Variants in FES observed in about 807,000 individuals in gnomAD.
The protein encoded by FES is FES proto-oncogene, tyrosine kinase, also known as tyrosine-protein kinase Fes/Fps.
In FES, 83 loss-of-function variants were observed where a neutral mutation model predicts 109.6. The observed-to-expected ratio is 0.76, with a 90% CI of 0.63 to 0.91. FES has a LOEUF of 0.91. Ranked by LOEUF, FES falls within the 40% of genes least tolerant of loss-of-function variation. FES has a pLI of 0.00. For synonymous variants in FES, 458 were observed against 442.1 expected (o/e 1.04, Z -0.45); for missense variants, 943 against 1,070.9 (o/e 0.88, Z 1.67).
chr15:90,893,810 C>T lies in FES; in HGVS notation c.2202C>T (p.Tyr734=), dbSNP rs751436215. Residue 734 remains tyrosine, a splice_region_variant and synonymous_variant, in exon 17 of 19, where the codon TAC becomes TAT. Transcript: ENST00000328850. ...GGACCGCACCTGAGGCCCTTAACTA[C>T]GGTACCTAGTCCCTGTCTACCCTGG... is the stretch of plus-strand genomic sequence containing the variant. ...VKWTAPEALN[Y]GRYSSESDVW... The T allele has an allele frequency of 1.1e-4, 173 of 1,592,398 alleles. No individual in the cohort carries two copies. Among genetic ancestry groups the T allele is most frequent in the Non-Finnish European group, 1.4e-4 (166 of 1,168,008 alleles).
Position 90,893,414 on chromosome 15 carries a change from G to T in FES, c.2045G>T (p.Arg682Leu), listed in dbSNP as rs748935427. 1.3e-6 allele frequency: 2 copies of T among 1,538,460 alleles called. No individual in the cohort carries two copies. The highest frequency in any genetic ancestry group is 2.1e-5 in the Admixed American group (1 of 47,800). ...EYLESKCCIH[R>L]DLAARNCLVT... Reference sequence around the variant, plus strand: ...CTGGAGAGCAAGTGCTGCATCCACCGGTGAGTGGGCGGTGGCCACGGGCCC... The same window carrying T: ...CTGGAGAGCAAGTGCTGCATCCACCTGTGAGTGGGCGGTGGCCACGGGCCC... Residue 682 changes from arginine to leucine, a missense_variant and splice_region_variant, in exon 16 of 19, where the codon CGG becomes CTG. Coordinates refer to ENST00000328850, the MANE Select transcript of FES (RefSeq NM_002005.4).
rs1427484645 is a variant in FES at position 90,889,751 on chromosome 15, G to A, written c.927-89G>A. On this transcript the variant is annotated intron_variant, in intron 7 of 18. Coordinates refer to ENST00000328850, the MANE Select transcript of FES (RefSeq NM_002005.4). The surrounding 1 kb of genome is among the most constrained non-coding windows in gnomAD (Gnocchi z 6.1). ...CACACAGAGCTGTCACCAGGTGGCC[G>A]GGCTTGCTTGGCTCTACAGGGATGC... 8.7e-6 allele frequency: 14 copies of A among 1,602,716 alleles called. No individual in the cohort carries two copies. Among genetic ancestry groups the A allele is most frequent in the South Asian group, 3.3e-5 (3 of 90,138 alleles).
At chr15:90,891,387 G>A in intron 11 of FES, 167 bp from the exon 12 acceptor site, 1 of 1,093,574 alleles carries the variant, frequency 9.1e-7, no homozygotes, top group Non-Finnish European at 1.3e-6. Context: ...TCCTCCCCTG[G>A]TGGGGCAGCA....
intron 11 of FES, 42 bp from the exon 12 acceptor site, chr15:90,891,512 C>A (rs773171459): frequency 6.2e-7 from 1 of 1,612,234 alleles, no homozygotes; most frequent in Non-Finnish European, 8.5e-7. Context: ...CTCACGCCCC[C>A]TCAGAATGGA....
chr15:90,894,759 G>A (rs1223593228), intron 18 of FES, among the ~76,000 whole-genome samples: 1 of 149,826 alleles, frequency 6.7e-6, no homozygotes, highest in Non-Finnish European at 1.5e-5. Flanking sequence ...GAGAGAGAGA[G>A]AGACCTTGAC....
rs768738534 is a variant in FES at position 90,892,053 on chromosome 15, C to T, written c.1654-5C>T. On this transcript the variant is annotated splice_region_variant and splice_polypyrimidine_tract_variant and intron_variant, in intron 12 of 18. Coordinates refer to ENST00000328850, the MANE Select transcript of FES (RefSeq NM_002005.4). The stretch of plus-strand genomic sequence containing the variant: ...TTCTGATCCCCTGTCTCCTCTCTTC[C>T]CCAGGACAAGTGGGTGCTGAACCAT... 2 of 1,614,004 alleles carry T rather than the reference C, an allele frequency of 1.2e-6. No homozygotes were observed. Among genetic ancestry groups the T allele is most frequent in the Non-Finnish European group, 1.7e-6 (2 of 1,179,990 alleles).
Position 90,889,358 on chromosome 15 carries a change from G to T in FES, c.721G>T (p.Val241Leu). The T allele has an allele frequency of 2.5e-6, 4 of 1,614,062 alleles. No homozygotes were observed. Among genetic ancestry groups the T allele is most frequent in the Non-Finnish European group, 3.4e-6 (4 of 1,180,032 alleles). ...LEISSLVQDEVVAIHREMAAA... is the reference protein window; with the variant it reads ...LEISSLVQDELVAIHREMAAA... The stretch of plus-strand genomic sequence containing the variant: ...GATTAGCAGCCTGGTGCAGGATGAG[G>T]TGGTGGCCATTCACCGGGAGATGGC... The change falls in exon 6 of 19, where the codon GTG becomes TTG. Residue 241 changes from valine to leucine, a missense_variant. Val to Leu is a conservative substitution (Grantham distance 32). Coordinates refer to ENST00000328850, the MANE Select transcript of FES (RefSeq NM_002005.4). The surrounding 1 kb of genome is among the most constrained non-coding windows in gnomAD (Gnocchi z 6.1).
chr15:90,890,578 A>T, intron 10 of FES, 94 bp downstream of exon 10: 1 of 1,156,528 alleles, frequency 8.6e-7, no homozygotes, highest in Non-Finnish European at 1.2e-6. Context: ...GGCTGCTTGT[A>T]TTGGGAAGTT....
rs770017969 is a variant in FES at position 90,889,319 on chromosome 15, C to T, written c.682C>T (p.Gln228Ter). The change falls in exon 6 of 19, where the codon CAG becomes TAG. Residue 228 changes from glutamine to a stop codon, truncating the protein, a stop_gained. Coordinates refer to ENST00000328850, the MANE Select transcript of FES (RefSeq NM_002005.4). LOFTEE classifies it high-confidence loss of function. This position sits in a 1 kb window ranked among gnomAD's most constrained non-coding sequence, Gnocchi z 6.1. ...TCTCGGGGGCAGGAAGGAGATCCTG[C>T]AGGAATACCTGGAGATTAGCAGCCT... The part of the protein sequence containing the change: ...EMACILKEIL[Q>*]EYLEISSLVQ... 1.2e-6 allele frequency: 2 copies of T among 1,613,672 alleles called. No individual in the cohort carries two copies. Among genetic ancestry groups the T allele is most frequent in the South Asian group, 1.1e-5 (1 of 91,078 alleles).
chr15:90,889,394 G>A lies in FES; in HGVS notation c.757G>A (p.Ala253Thr). 6.2e-7 allele frequency: 1 copy of A among 1,614,084 alleles called. No individual in the cohort carries two copies. Among genetic ancestry groups the A allele is most frequent in the Non-Finnish European group, 8.5e-7 (1 of 1,180,018 alleles). ...TCACCGGGAGATGGCTGCAGCTGCT[G>A]CCCGCATCCAGCCTGAGGCTGAGTA... ...AIHREMAAAAARIQPEAEYQG... is the reference protein window; with the variant it reads ...AIHREMAAAATRIQPEAEYQG... The change falls in exon 6 of 19, where the codon GCC becomes ACC. Residue 253 changes from alanine to threonine, a missense_variant. Ala to Thr is a moderately conservative substitution (Grantham distance 58). Coordinates refer to ENST00000328850, the MANE Select transcript of FES (RefSeq NM_002005.4). This position sits in a 1 kb window ranked among gnomAD's most constrained non-coding sequence, Gnocchi z 6.1.
intron 3 of FES, among the ~76,000 whole-genome samples, 179 bp downstream of exon 3, chr15:90,885,764 C>T (rs2032547114): frequency 6.6e-6 from 1 of 152,236 alleles, no homozygotes; most frequent in African/African-American, 2.4e-5. Context: ...AGCTGGCTTG[C>T]AGCAAGGCCT....
intron 14 of FES, 23 bp downstream of exon 14, chr15:90,892,848 C>A: frequency 6.2e-7 from 1 of 1,602,858 alleles, no homozygotes; most frequent in Non-Finnish European, 8.5e-7. Context: ...CTAATGATCA[C>A]CACGGGTCCC....
chr15:90,891,617 A>G lies in FES; in HGVS notation c.1594A>G (p.Ser532Gly), dbSNP rs778606607. Residue 532 changes from serine to glycine, a missense_variant, in exon 12 of 19, where the codon AGC (serine) becomes GGC (glycine). Coordinates refer to ENST00000328850, the MANE Select transcript of FES (RefSeq NM_002005.4). ...TCCTTTGCTCATCGACCACCTACTG[A>G]GCACCCAGCAGCCCCTCACCAAGAA... ...SIPLLIDHLL[S>G]TQQPLTKKSG... The G allele has an allele frequency of 2.5e-6, 4 of 1,613,958 alleles. No individual in the cohort carries two copies. In the South Asian group the frequency reaches 4.4e-5, roughly 18 times the overall value.
At chr15:90,887,514 T>C (rs926993421) in intron 5 of FES, 144 bp downstream of exon 5, 11 of 855,522 alleles carry the variant, frequency 1.3e-5, no homozygotes, top group Admixed American at 2.9e-5. Context: ...GGGCCAAGGA[T>C]TGGAAACAGG....
chr15:90,894,747 C>CAG (rs1555432574), intron 18 of FES, among the ~76,000 whole-genome samples: 2,409 of 151,048 alleles, frequency 0.016, 68 homozygotes, highest in African/African-American at 0.055. Flanking sequence ...ACCTGGGTGA[C>CAG]AGAGAGAGAG....
intron 2 of FES, 29 bp downstream of exon 2, chr15:90,885,287 C>G (rs370637201): frequency 1.3e-6 from 2 of 1,590,688 alleles, no homozygotes; most frequent in Non-Finnish European, 1.7e-6. Flanking sequence ...CTGGTGGGTG[C>G]TGGCTGTATC....
At position 90,895,529 on chromosome 15, in the gene FES, C is replaced by G. The variant is rs1448273773; in HGVS notation, c.2440C>G (p.Leu814Val). 6.3e-7 allele frequency: 1 copy of G among 1,593,844 alleles called. No individual in the cohort carries two copies. Among genetic ancestry groups the G allele is most frequent in the African/African-American group, 1.3e-5 (1 of 74,260 alleles). ...CAGCTTCAGCACCATCTACCAGGAG[C>G]TGCAGAGCATCCGAAAGCGGCATCG... ...RPSFSTIYQELQSIRKRHR is the reference protein window; with the variant it reads ...RPSFSTIYQEVQSIRKRHR The change falls in exon 19 of 19, where the codon CTG becomes GTG. Residue 814 changes from leucine to valine, a missense_variant. Leu to Val is a conservative substitution (Grantham distance 32). Coordinates refer to ENST00000328850, the MANE Select transcript of FES (RefSeq NM_002005.4).
chr15:90,889,924 G>A lies in FES; in HGVS notation c.1011G>A (p.Glu337=). The part of the protein sequence containing the change: ...RQEMVTQLQQ[E]LRNEEENTHP... Reference sequence around the variant, plus strand: ...AGATGGTTACGCAGCTGCAACAGGAGCTCCGGAATGAAGAGGAGAACACCC... The same window carrying A: ...AGATGGTTACGCAGCTGCAACAGGAACTCCGGAATGAAGAGGAGAACACCC... The change falls in exon 8 of 19, where the codon GAG becomes GAA. Residue 337 remains glutamate (E), a synonymous_variant. Coordinates refer to ENST00000328850, the MANE Select transcript of FES (RefSeq NM_002005.4). This position sits in a 1 kb window ranked among gnomAD's most constrained non-coding sequence, Gnocchi z 6.1. The A allele has an allele frequency of 6.2e-7, 1 of 1,613,492 alleles. No homozygotes were observed. The highest frequency in any genetic ancestry group is 8.5e-7 in the Non-Finnish European group (1 of 1,179,938).
At chr15:90,892,626 G>A (rs1285278053) in intron 13 of FES, 81 bp from the exon 14 acceptor site, 46 of 1,413,410 alleles carry the variant, frequency 3.3e-5, no homozygotes, top group Non-Finnish European at 6.8e-6. Context: ...TCACCCAGGG[G>A]TAGGAAGCAG....
Sources: gnomAD v4.1 joint callset for allele counts (sites outside exome capture counted in the v4.1 genomes callset) on GRCh38, gnomAD v4.1.1 for gene constraint, Gnocchi (gnomAD v3.1) non-coding constraint, MANE v1.5 for transcripts, NCBI Gene and HGNC (gene_info 2026-07-23, HGNC 2026-07-21) for gene names.